Variants in EPYC observed in about 807,000 individuals in gnomAD.
EPYC encodes the protein dermatan sulfate proteoglycan 3.
EPYC carries 28 observed loss-of-function variants against 30.1 expected under a neutral mutation model. The ratio of observed to expected loss-of-function variants is 0.93; its 90% CI spans 0.69 to 1.28. The LOEUF is 1.28. Among genes scored for constraint, EPYC ranks in the 50% most tolerant of loss-of-function variants. The pLI is 0.00. For synonymous variants in EPYC, 144 were observed against 141.4 expected (o/e 1.02, Z -0.13); for missense variants, 382 against 383.5 (o/e 1.00, Z 0.03).
intron 6 of EPYC, among the ~76,000 whole-genome samples, chr12:90,965,386 T>C (rs181534968): frequency 7.7e-4 from 117 of 152,286 alleles, no homozygotes; most frequent in Non-Finnish European, 1.6e-3. Context: ...GATGTTGAAT[T>C]GCTGAGTCAT....
intron 2 of EPYC, 148 bp downstream of exon 2, chr12:91,002,253 C>T (rs1483141441): frequency 3.0e-5 from 11 of 369,776 alleles, no homozygotes; most frequent in Non-Finnish European, 4.6e-5. Flanking sequence ...AAAGATTGAA[C>T]ATGTTTTGGA....
intron 2 of EPYC, among the ~76,000 whole-genome samples, chr12:90,983,899 G>T (rs1389922104): frequency 6.6e-6 from 1 of 152,092 alleles, no homozygotes; most frequent in Non-Finnish European, 1.5e-5. Flanking sequence ...AAGCCCCATT[G>T]GAGGGGGTTA....
chr12:90,964,454 G>A (rs542726428), intron 6 of EPYC, 128 bp from the exon 7 acceptor site: 116 of 617,772 alleles, frequency 1.9e-4, no homozygotes, highest in South Asian at 1.3e-3. Flanking sequence ...ATTACTTAAT[G>A]TATATGCCAA....
intron 2 of EPYC, among the ~76,000 whole-genome samples, chr12:90,991,778 G>A (rs367655322): frequency 6.6e-6 from 1 of 152,130 alleles, no homozygotes; most frequent in Non-Finnish European, 1.5e-5. Flanking sequence ...TAGGCACTGG[G>A]ATTTTAAAAA....
chr12:90,996,541 CTTA>C (rs1877696954), intron 2 of EPYC, among the ~76,000 whole-genome samples: 1 of 151,844 alleles, frequency 6.6e-6, no homozygotes, highest in African/African-American at 2.4e-5. Flanking sequence ...TACAACTGCC[CTTA>C]TTGAGTTCTC....
rs141959642 is a variant in EPYC at position 90,983,583 on chromosome 12, C to T, written c.166-5321G>A. 5.7e-3 allele frequency among the ~76,000 whole-genome samples: 872 copies of T among 152,150 alleles called. 1 individual carries two copies. The highest frequency in any genetic ancestry group is 9.9e-3 in the Non-Finnish European group (671 of 67,974). On this transcript the variant is annotated intron_variant, in intron 2 of 6. Coordinates refer to ENST00000261172, the MANE Select transcript of EPYC (RefSeq NM_004950.5). ...GACAGAGAGGAAAGCCATTCAGCTC[C>T]GGGGTCCCAACAAAAAGTTGGTTGA...
At chr12:91,001,590 C>T (rs1205257776) in intron 2 of EPYC, among the ~76,000 whole-genome samples, 1 of 152,040 alleles carries the variant, frequency 6.6e-6, no homozygotes. Context: ...TGGGCTACAA[C>T]CTTGCCAATT....
intron 2 of EPYC, among the ~76,000 whole-genome samples, chr12:90,992,099 C>T (rs1349000535): frequency 1.3e-5 from 2 of 152,262 alleles, no homozygotes; most frequent in East Asian, 3.9e-4. Context: ...GGGATGGTTT[C>T]AGGATGAAGC....
chr12:90,976,805 A>G (rs779738679), intron 3 of EPYC, among the ~76,000 whole-genome samples: 1 of 152,050 alleles, frequency 6.6e-6, no homozygotes, highest in Non-Finnish European at 1.5e-5. Context: ...CTTCCCTCAT[A>G]CTGTTCTCAT....
intron 2 of EPYC, among the ~76,000 whole-genome samples, chr12:90,991,365 C>T (rs984750349): frequency 6.6e-6 from 1 of 152,066 alleles, no homozygotes; most frequent in Non-Finnish European, 1.5e-5. Context: ...TAATGGAGGG[C>T]TAGGCAGGAC....
intron 6 of EPYC, among the ~76,000 whole-genome samples, chr12:90,968,508 T>C (rs901627557): frequency 6.6e-6 from 1 of 152,232 alleles, no homozygotes; most frequent in African/African-American, 2.4e-5. Context: ...GATTTATTTA[T>C]GTATTAAAAA....
intron 2 of EPYC, among the ~76,000 whole-genome samples, chr12:90,988,567 G>T (rs1877507060): frequency 6.6e-6 from 1 of 152,122 alleles, no homozygotes; most frequent in Admixed American, 6.6e-5. Context: ...CATGAATTCT[G>T]TACTCAGCCA....
In EPYC at chr12:90,970,074, G is replaced by A. The variant is rs114357917; in HGVS notation, c.768C>T (p.Leu256=). 5 of 1,613,980 alleles carry A rather than the reference G, an allele frequency of 3.1e-6. No homozygotes were observed. Among genetic ancestry groups the A allele is most frequent in the Non-Finnish European group, 4.2e-6 (5 of 1,179,856 alleles). The change falls in exon 6 of 7, where the codon CTC becomes CTT. Residue 256 remains leucine, a synonymous_variant. Transcript: ENST00000261172. ...DNNLDHIPLP[L]PENLRALHLQ... ...GGTGAAGGGCTCGTAGATTTTCTGG[G>A]AGTGGCAGAGGGATGTGGTCCAAGT...
intron 5 of EPYC, among the ~76,000 whole-genome samples, chr12:90,970,467 C>T (rs959656540): frequency 6.6e-6 from 1 of 152,196 alleles, no homozygotes; most frequent in Non-Finnish European, 1.5e-5. Flanking sequence ...AGGCATTCTG[C>T]AGTGGGATTT....
chr12:90,977,992 G>T (rs1877227210), intron 3 of EPYC, 96 bp downstream of exon 3: 2 of 1,141,346 alleles, frequency 1.8e-6, no homozygotes, highest in East Asian at 2.9e-5. Context: ...CTTTTTTCTT[G>T]GGTCATGTCA....
At chr12:90,988,048 G>A (rs1313872844) in intron 2 of EPYC, among the ~76,000 whole-genome samples, 3 of 152,054 alleles carry the variant, frequency 2.0e-5, no homozygotes, top group Admixed American at 6.6e-5. Flanking sequence ...GAAAGAGAAA[G>A]TAAAAACATG....
intron 3 of EPYC, among the ~76,000 whole-genome samples, chr12:90,973,975 A>T (rs1877116267): frequency 6.6e-6 from 1 of 151,744 alleles, no homozygotes; most frequent in Non-Finnish European, 1.5e-5. Context: ...ATGGAACCAA[A>T]AATGTTTCTG....
At chr12:91,003,808 AC>A (rs1877888666) in intron 1 of EPYC, among the ~76,000 whole-genome samples, 1 of 152,140 alleles carries the variant, frequency 6.6e-6, no homozygotes, top group African/African-American at 2.4e-5. Context: ...GATAAATATT[AC>A]TTTTAAACTT....
At chr12:91,000,456 G>A (rs181290817) in intron 2 of EPYC, among the ~76,000 whole-genome samples, 33 of 152,118 alleles carry the variant, frequency 2.2e-4, no homozygotes, top group Admixed American at 7.2e-4. Context: ...AAAAATGTCC[G>A]AACCTCATGA....
Sources: gnomAD v4.1 joint callset for allele counts (sites outside exome capture counted in the v4.1 genomes callset) on GRCh38, gnomAD v4.1.1 for gene constraint, MANE v1.5 for transcripts, NCBI Gene and HGNC (gene_info 2026-07-23, HGNC 2026-07-21) for gene names.